CAMK4: variants seen among roughly 807,000 people sequenced by gnomAD.
CAMK4 encodes the protein calcium/calmodulin-dependent protein kinase type IV.
Under a neutral mutation model 44.9 loss-of-function variants are expected in CAMK4, and 22 were observed. The ratio of observed to expected loss-of-function variants is 0.49; its 90% CI spans 0.35 to 0.70. CAMK4 has a LOEUF of 0.70. Among genes scored for constraint, CAMK4 ranks in the 30% least tolerant of loss-of-function variants. The pLI is 0.01. For synonymous variants in CAMK4, 218 were observed against 215.4 expected (o/e 1.01, Z -0.11); for missense variants, 498 against 586.8 (o/e 0.85, Z 1.56).
chr5:111,315,913 A>C (rs1365101561), intron 1 of CAMK4, among the ~76,000 whole-genome samples: 1 of 152,114 alleles, frequency 6.6e-6, no homozygotes, highest in Non-Finnish European at 1.5e-5. Flanking sequence ...TTGGAAATCT[A>C]GGATTGAAGT....
At chr5:111,267,764 A>G (rs1305732970) in intron 1 of CAMK4, among the ~76,000 whole-genome samples, 1 of 151,964 alleles carries the variant, frequency 6.6e-6, no homozygotes, top group Non-Finnish European at 1.5e-5. Context: ...GGATGATAGA[A>G]TTAGAATATC....
At chr5:111,435,402 C>G (rs1329110697) in intron 5 of CAMK4, among the ~76,000 whole-genome samples, 2 of 152,032 alleles carry the variant, frequency 1.3e-5, no homozygotes, top group Admixed American at 6.6e-5. Context: ...AAAGTATATA[C>G]TGTCATCTAA....
intron 7 of CAMK4, among the ~76,000 whole-genome samples, chr5:111,457,063 C>G: frequency 6.6e-6 from 1 of 152,126 alleles, no homozygotes; most frequent in East Asian, 1.9e-4. Context: ...ATGAGCTGCT[C>G]AGAGATGACA....
At chr5:111,358,572 T>A (rs1219269305) in intron 2 of CAMK4, among the ~76,000 whole-genome samples, 1 of 151,872 alleles carries the variant, frequency 6.6e-6, no homozygotes, top group Admixed American at 6.6e-5. Context: ...TTTTTTTTTT[T>A]AACTTTTATT....
chr5:111,473,211 A>G (rs1046757291), intron 7 of CAMK4, 100 bp from the exon 8 acceptor site: 1 of 831,778 alleles, frequency 1.2e-6, no homozygotes, highest in Non-Finnish European at 2.1e-6. Context: ...AAAACTGTTC[A>G]GAAATTGTTT....
chr5:111,270,536 T>C (rs963836855), intron 1 of CAMK4, among the ~76,000 whole-genome samples: 7 of 152,252 alleles, frequency 4.6e-5, no homozygotes, highest in African/African-American at 1.7e-4. Flanking sequence ...CCTTTCAGCT[T>C]TCTGACATGA....
At chr5:111,284,572 C>G (rs1751162935) in intron 1 of CAMK4, among the ~76,000 whole-genome samples, 1 of 152,200 alleles carries the variant, frequency 6.6e-6, no homozygotes. Flanking sequence ...CTCTCTTGCT[C>G]TACCTCCCCA....
chr5:111,379,255 T>G (rs891905611), intron 4 of CAMK4, among the ~76,000 whole-genome samples: 1 of 152,182 alleles, frequency 6.6e-6, no homozygotes, highest in African/African-American at 2.4e-5. Flanking sequence ...TAATTGGGAA[T>G]CATGGGTTTC....
At chr5:111,300,027 T>G (rs533288807) in intron 1 of CAMK4, among the ~76,000 whole-genome samples, 2 of 152,330 alleles carry the variant, frequency 1.3e-5, no homozygotes, top group East Asian at 3.9e-4. Context: ...GGGTTCTAAC[T>G]CAGTCTCTTT....
chr5:111,334,454 A>T (rs1157261317), intron 1 of CAMK4, among the ~76,000 whole-genome samples: 1 of 151,472 alleles, frequency 6.6e-6, no homozygotes, highest in Admixed American at 6.6e-5. Flanking sequence ...ATGGGCCAAG[A>T]TGTATACTGA....
At chr5:111,273,686 T>G (rs10037275) in intron 1 of CAMK4, among the ~76,000 whole-genome samples, 1,167 of 48,236 alleles carry the variant, frequency 0.024, 43 homozygotes, top group African/African-American at 0.13. Context: ...TTTATATATA[T>G]ATATATATAT....
chr5:111,365,554 A>G (rs1474646620), intron 2 of CAMK4, among the ~76,000 whole-genome samples: 2 of 152,056 alleles, frequency 1.3e-5, no homozygotes, highest in Non-Finnish European at 2.9e-5. Flanking sequence ...AATGACTACA[A>G]TGAGGTAGAG....
intron 5 of CAMK4, among the ~76,000 whole-genome samples, chr5:111,416,812 A>G (rs1055343605): frequency 3.3e-5 from 5 of 152,316 alleles, no homozygotes; most frequent in East Asian, 1.9e-4. Context: ...TACTATTAAC[A>G]TATTAATACC....
intron 7 of CAMK4, among the ~76,000 whole-genome samples, chr5:111,466,914 T>C (rs935595562): frequency 6.6e-6 from 1 of 152,130 alleles, no homozygotes; most frequent in African/African-American, 2.4e-5. Flanking sequence ...AGAACAAATC[T>C]GGAGGCATCA....
At chr5:111,278,603 G>T (rs911865714) in intron 1 of CAMK4, among the ~76,000 whole-genome samples, 1 of 152,200 alleles carries the variant, frequency 6.6e-6, no homozygotes, top group African/African-American at 2.4e-5. Flanking sequence ...GGTAGTGTGT[G>T]CAGTTCAAAA....
At chr5:111,468,548 C>G (rs1053663466) in intron 7 of CAMK4, among the ~76,000 whole-genome samples, 5 of 152,130 alleles carry the variant, frequency 3.3e-5, no homozygotes, top group African/African-American at 1.2e-4. Flanking sequence ...ACATTTGATA[C>G]TTAGGAGACT....
intron 1 of CAMK4, among the ~76,000 whole-genome samples, chr5:111,241,463 T>C (rs1202436473): frequency 2.0e-5 from 3 of 152,180 alleles, no homozygotes; most frequent in African/African-American, 7.2e-5. Flanking sequence ...CGATGTCATG[T>C]GACATCTCTA....
In CAMK4 at chr5:111,224,937, C is replaced by T. The variant is rs1406984556; in HGVS notation, c.161+293C>T. Among the ~76,000 whole-genome samples, 1 of 152,080 alleles carries T rather than the reference C, an allele frequency of 6.6e-6. No individual in the cohort carries two copies. Among genetic ancestry groups the T allele is most frequent in the Non-Finnish European group, 1.5e-5 (1 of 68,000 alleles). On this transcript the variant is annotated intron_variant, in intron 1 of 10. Transcript: ENST00000282356. This position sits in a 1 kb window ranked among gnomAD's most constrained non-coding sequence, Gnocchi z 5.7. ...TGACAGCTCCCACCGCACGTGGGCC[C>T]TGCTTTCCCAATTGATATCTTTGCT... is the stretch of plus-strand genomic sequence containing the variant.
At chr5:111,245,469 A>G (rs1348725666) in intron 1 of CAMK4, among the ~76,000 whole-genome samples, 1 of 152,224 alleles carries the variant, frequency 6.6e-6, no homozygotes, top group Non-Finnish European at 1.5e-5. Flanking sequence ...AAATGTGGAT[A>G]CTAATACATT....
Sources: gnomAD v4.1 joint callset for allele counts (sites outside exome capture counted in the v4.1 genomes callset) on GRCh38, gnomAD v4.1.1 for gene constraint, Gnocchi (gnomAD v3.1) non-coding constraint, MANE v1.5 for transcripts, NCBI Gene and HGNC (gene_info 2026-07-23, HGNC 2026-07-21) for gene names.